GIT2: variants seen among roughly 807,000 people sequenced by gnomAD.
GIT2 encodes GIT ArfGAP 2, also known as ARF GTPase-activating protein GIT2.
GIT2 carries 32 observed loss-of-function variants against 100.3 expected under a neutral mutation model. The observed-to-expected ratio is 0.32, with a 90% confidence interval of 0.24 to 0.43. The LOEUF is 0.43. Ranked by LOEUF, GIT2 falls within the 20% of genes least tolerant of loss-of-function variation. The pLI, the probability that GIT2 is intolerant of heterozygous loss-of-function variation, is 1.00. For synonymous variants in GIT2, 353 were observed against 364.1 expected (o/e 0.97, Z 0.35); for missense variants, 737 against 975.1 (o/e 0.76, Z 3.25).
chr12:109,949,110 A>AG, intron 14 of GIT2: 4 of 469,836 alleles, frequency 8.5e-6, no homozygotes, highest in Non-Finnish European at 1.5e-5. Context: ...GGCAGGGTAT[A>AG]GCTCATATCT....
At chr12:109,988,014 G>C (rs1213039527) in intron 4 of GIT2, among the ~76,000 whole-genome samples, 2 of 152,242 alleles carry the variant, frequency 1.3e-5, no homozygotes, top group East Asian at 3.9e-4. Flanking sequence ...GAAACCTGAA[G>C]AAGTCCCCTT....
intron 16 of GIT2, chr12:109,940,040 G>A (rs1874243166): frequency 1.3e-5 from 2 of 152,324 alleles, no homozygotes; most frequent in South Asian, 4.1e-4. Context: ...CAGAAAAACA[G>A]GACCAAGCAC....
At position 109,933,202 on chromosome 12, in the gene GIT2, AAGAC is replaced by A. The variant is rs1871979773; in HGVS notation, c.2068-16_2068-13del. On this transcript the variant is annotated splice_polypyrimidine_tract_variant and intron_variant, in intron 19 of 19. Coordinates refer to ENST00000355312, the MANE Select transcript of GIT2 (RefSeq NM_057169.5). This position sits in a 1 kb window ranked among gnomAD's most constrained non-coding sequence, Gnocchi z 4.5. ...TCAGACTTGGGTTTCTAAAAGGAAA[AAGAC>A]AGCCGTTTACCCTGAACTGCAGGGC... 3.4e-6 allele frequency: 5 copies of A among 1,478,976 alleles called. No individual in the cohort carries two copies. The highest frequency in any genetic ancestry group is 1.7e-4 in the Middle Eastern group (1 of 5,888). The allele number at this position is 1,478,976 out of a possible 1,614,324, so 91.6% of individuals were successfully genotyped here. A position where few individuals can be genotyped will look rare whatever the true frequency, so the allele number is the denominator to read the frequency against.
In GIT2 at chr12:109,996,157, G is replaced by C. The variant is rs1443530178; in HGVS notation, c.52+16C>G. On this transcript the variant is annotated intron_variant, in intron 1 of 19. Transcript: ENST00000355312. ...CAGGAAAGCAGAGGGGAGCGGGCCC[G>C]GCCGGTGCGACTCACCCGGCCCGCT... 1 of 1,497,132 alleles carries C rather than the reference G, an allele frequency of 6.7e-7. No individual in the cohort carries two copies. Among genetic ancestry groups the C allele is most frequent in the South Asian group, 1.2e-5 (1 of 80,452 alleles). 92.7% of individuals were successfully genotyped at this position (1,497,132 alleles called of 1,614,324 possible).
chr12:109,933,147 G>T lies in GIT2; in HGVS notation c.2111C>A (p.Thr704Lys). Reference protein sequence around the residue: ...DMVRTSLRLLTSSAYRLQSEC... With the variant: ...DMVRTSLRLLKSSAYRLQSEC... ...TGACTGCAGTCGGTAGGCACTGGAC[G>T]TCAGTAAACGAAGGGAAGTCCTCAC... The change falls in exon 20 of 20, where the codon ACG becomes AAG. Residue 704 changes from threonine (T) to lysine (K), a missense_variant. Physicochemically the swap from Thr to Lys is moderately conservative, Grantham distance 78. Coordinates refer to ENST00000355312, the MANE Select transcript of GIT2 (RefSeq NM_057169.5). The surrounding 1 kb of genome is among the most constrained non-coding windows in gnomAD (Gnocchi z 4.5). 5 of 1,590,838 alleles carry T rather than the reference G, an allele frequency of 3.1e-6. No homozygotes were observed. The highest frequency in any genetic ancestry group is 1.3e-5 in the African/African-American group (1 of 74,512).
chr12:109,941,485 C>A (rs879752170), intron 16 of GIT2, among the ~76,000 whole-genome samples: 1 of 151,980 alleles, frequency 6.6e-6, no homozygotes, highest in African/African-American at 2.4e-5. Flanking sequence ...AGAAGAAAAA[C>A]CCAAAACCCT....
chr12:109,960,511 G>A (rs1249653919), intron 11 of GIT2, among the ~76,000 whole-genome samples: 1 of 152,102 alleles, frequency 6.6e-6, no homozygotes, highest in Non-Finnish European at 1.5e-5. Flanking sequence ...GGTCCGGGAG[G>A]TGGAGGTTGC....
intron 12 of GIT2, among the ~76,000 whole-genome samples, 174 bp downstream of exon 12, chr12:109,959,673 A>G (rs1323603288): frequency 6.6e-5 from 10 of 152,154 alleles, no homozygotes; most frequent in Non-Finnish European, 1.3e-4. Flanking sequence ...CCTACGTAAC[A>G]AGCCTGCACA....
At chr12:109,961,976 C>A (rs928440162) in intron 9 of GIT2, among the ~76,000 whole-genome samples, 32 of 152,306 alleles carry the variant, frequency 2.1e-4, no homozygotes, top group African/African-American at 7.2e-4. Flanking sequence ...GTTCTCTACT[C>A]TTCTTGTGAT....
chr12:109,997,204 C>CA (rs35732772), upstream of GIT2, among the ~76,000 whole-genome samples: 7,351 of 41,806 alleles, frequency 0.18, 652 homozygotes, highest in African/African-American at 0.26. Context: ...GACTCCGTCT[C>CA]AAAAAAAAAA....
At position 109,962,642 on chromosome 12, in the gene GIT2, G is replaced by T. The variant is rs115306784; in HGVS notation, c.817-957C>A. On this transcript the variant is annotated intron_variant, in intron 9 of 19. Coordinates refer to ENST00000355312, the MANE Select transcript of GIT2 (RefSeq NM_057169.5). The surrounding 1 kb of genome is among the most constrained non-coding windows in gnomAD (Gnocchi z 4.3). ...TTCTGGGGTGGCTCCGCCTCTCTCT[G>T]CACTTTCTGCCTCATGCAACACCTT... Among the ~76,000 whole-genome samples the T allele has an allele frequency of 1.2e-3, 181 of 152,306 alleles. 1 individual carries two copies. Among genetic ancestry groups the T allele is most frequent in the African/African-American group, 4.3e-3 (179 of 41,580 alleles).
intron 4 of GIT2, among the ~76,000 whole-genome samples, chr12:109,986,025 T>C (rs1330947462): frequency 1.3e-5 from 2 of 151,394 alleles, no homozygotes; most frequent in African/African-American, 4.9e-5. Context: ...AGAGTGAGAC[T>C]CTGTCGTTTA....
At position 109,981,271 on chromosome 12, in the gene GIT2, T is replaced by C. The variant is rs1034872620; in HGVS notation, c.624-225A>G. 9 of 428,658 alleles carry C rather than the reference T, an allele frequency of 2.1e-5. No homozygotes were observed. In the South Asian group the frequency reaches 2.9e-4, roughly 14 times the overall value. 26.6% of individuals were successfully genotyped at this position (428,658 alleles called of 1,614,324 possible). On this transcript the variant is annotated intron_variant, in intron 6 of 19. Transcript: ENST00000355312. ...CGCCTTTCCTTTATTAAGGCCAAAATAGAATATTTAATAAGAAATTCAAAG... is the reference window on the plus strand; with the variant it reads ...CGCCTTTCCTTTATTAAGGCCAAAACAGAATATTTAATAAGAAATTCAAAG...
In GIT2 at chr12:109,932,958, G is replaced by A; in HGVS notation, c.*20C>T. On this transcript the variant is annotated 3_prime_UTR_variant, in exon 20 of 20. Coordinates refer to ENST00000355312, the MANE Select transcript of GIT2 (RefSeq NM_057169.5). ...ACTTTATAAAGCCTAGAAAACAGAG[G>A]AGGCGGTGCCCTGCCCTTGTCAGTT... The A allele has an allele frequency of 7.2e-7, 1 of 1,396,278 alleles. No individual in the cohort carries two copies. The highest frequency in any genetic ancestry group is 1.0e-6 in the Non-Finnish European group (1 of 982,212). 86.5% of individuals were successfully genotyped at this position (1,396,278 alleles called of 1,614,324 possible).
Position 109,948,007 on chromosome 12 carries a change from TCAG to T in GIT2, c.1393-506_1393-504del, listed in dbSNP as rs1274780057. Reference sequence around the variant, plus strand: ...TTTGCAAAGCAAGAAAGACAGAAGTTCAGCTTGTGAAAAATCAGATCGCCTATT... The same window carrying T: ...TTTGCAAAGCAAGAAAGACAGAAGTTCTTGTGAAAAATCAGATCGCCTATT... On this transcript the variant is annotated intron_variant, in intron 14 of 19. Transcript: ENST00000355312. This position sits in a 1 kb window ranked among gnomAD's most constrained non-coding sequence, Gnocchi z 4.3. 1 of 408,928 alleles carries T rather than the reference TCAG, an allele frequency of 2.4e-6. No homozygotes were observed. The highest frequency in any genetic ancestry group is 2.2e-5 in the African/African-American group (1 of 46,260). 25.3% of individuals were successfully genotyped at this position (408,928 alleles called of 1,614,324 possible).
At position 109,962,447 on chromosome 12, in the gene GIT2, T is replaced by C. The variant is rs886639775; in HGVS notation, c.817-762A>G. ...TGACTCAGACCTCAGCTGAGTTTCT[T>C]TGCTCTCTTTCTCAGTAGCAGTCCT... On this transcript the variant is annotated intron_variant, in intron 9 of 19. Coordinates refer to ENST00000355312, the MANE Select transcript of GIT2 (RefSeq NM_057169.5). This position sits in a 1 kb window ranked among gnomAD's most constrained non-coding sequence, Gnocchi z 4.3. 9.9e-5 allele frequency among the ~76,000 whole-genome samples: 15 copies of C among 152,246 alleles called. No homozygotes were observed. The highest frequency in any genetic ancestry group is 3.1e-4 in the African/African-American group (13 of 41,470).
chr12:109,932,098 T>C lies in GIT2; in HGVS notation c.*880A>G, dbSNP rs944858263. The C allele has an allele frequency of 6.6e-6, 1 of 152,242 alleles. No individual in the cohort carries two copies. The highest frequency in any genetic ancestry group is 2.4e-5 in the African/African-American group (1 of 41,460). 9.4% of individuals were successfully genotyped at this position (152,242 alleles called of 1,614,324 possible). On this transcript the variant is annotated 3_prime_UTR_variant, in exon 20 of 20. Coordinates refer to ENST00000355312, the MANE Select transcript of GIT2 (RefSeq NM_057169.5). ...GGGAGTAGGTGATTTCTTTTCCCTA[T>C]AGTTCATGGTAGTGATACCTAAATG...
chr12:109,984,666 C>G (rs757937464), intron 4 of GIT2, among the ~76,000 whole-genome samples: 16 of 151,766 alleles, frequency 1.1e-4, no homozygotes, highest in Admixed American at 6.6e-5. Flanking sequence ...AGGCTGATCT[C>G]GAACTTACGA....
At chr12:109,944,049 G>C (rs897353661) in intron 16 of GIT2, among the ~76,000 whole-genome samples, 1 of 152,180 alleles carries the variant, frequency 6.6e-6, no homozygotes, top group Non-Finnish European at 1.5e-5. Flanking sequence ...GCGCATGCCT[G>C]TAGGCCCAGC....
Sources: gnomAD v4.1 joint callset for allele counts (sites outside exome capture counted in the v4.1 genomes callset) on GRCh38, gnomAD v4.1.1 for gene constraint, Gnocchi (gnomAD v3.1) non-coding constraint, MANE v1.5 for transcripts, NCBI Gene and HGNC (gene_info 2026-07-23, HGNC 2026-07-21) for gene names.